Variants in ARHGEF38 observed in about 807,000 individuals in gnomAD.
ARHGEF38 encodes the protein Rho guanine nucleotide exchange factor 38, also known as Rho guanine nucleotide exchange factor (GEF) 38.
A neutral mutation model predicts 79.9 loss-of-function variants in ARHGEF38; 79 were observed. The ratio of observed to expected loss-of-function variants is 0.99; its 90% CI spans 0.82 to 1.19. The LOEUF (loss-of-function observed/expected upper bound fraction) is 1.19, where lower values mean the gene tolerates loss of function less well. Ranked by LOEUF, ARHGEF38 falls within the 50% of genes most tolerant of loss-of-function variation. ARHGEF38 has a pLI of 0.00. For missense variants in ARHGEF38, 962 were observed against 907.2 expected (o/e 1.06, Z -0.78); for synonymous variants, 366 against 328.3 (o/e 1.11, Z -1.24).
chr4:105,561,479 A>AATGGAATGGAATGGAATGGAATG (rs1560684618), intron 1 of ARHGEF38: 2 of 53,350 alleles, frequency 3.7e-5, no homozygotes, highest in African/African-American at 1.6e-4. Context: ...AGAATAGAAT[A>AATGGAATGGAATGGAATGGAATG]GAATAGAATA....
At position 105,655,609 on chromosome 4, in the gene ARHGEF38, A is replaced by C; in HGVS notation, c.1120A>C (p.Met374Leu). The C allele has an allele frequency of 6.5e-7, 1 of 1,535,040 alleles. No individual in the cohort carries two copies. Among genetic ancestry groups the C allele is most frequent in the South Asian group, 1.2e-5 (1 of 83,602 alleles). ...SLCLQHIQDA[M>L]PLALQSVMDL... ...CTTTGTTCTTGGGTTTCAGGATGCC[A>C]TGCCCCTGGCTCTGCAGAGTGTGAT... Residue 374 changes from methionine to leucine, a missense_variant, in exon 9 of 14, where the codon ATG becomes CTG. Physicochemically the swap from Met to Leu is conservative, Grantham distance 15 (BLOSUM62 2). Transcript: ENST00000420470.
In ARHGEF38 at chr4:105,645,227, C is replaced by T; in HGVS notation, c.714C>T (p.Ile238=). 1.3e-6 allele frequency: 2 copies of T among 1,533,658 alleles called. 1 individual carries two copies. The highest frequency in any genetic ancestry group is 2.4e-5 in the South Asian group (2 of 83,160). Residue 238 remains isoleucine (I), a synonymous_variant, in exon 6 of 14, where the codon ATC becomes ATT. Coordinates refer to ENST00000420470, the MANE Select transcript of ARHGEF38 (RefSeq NM_001242729.2). ...PNLLDMGSLM[I]KPIQRVMKYP... ...TATTGGACATGGGCTCTTTGATGAT[C>T]AAACCAATTCAACGTGTGATGAAAT...
At position 105,659,356 on chromosome 4, in the gene ARHGEF38, A is replaced by G. The variant is rs1300037771; in HGVS notation, c.1536A>G (p.Thr512=). 6.5e-7 allele frequency: 1 copy of G among 1,534,054 alleles called. No individual in the cohort carries two copies. Among genetic ancestry groups the G allele is most frequent in the African/African-American group, 1.4e-5 (1 of 72,972 alleles). Residue 512 remains threonine, a synonymous_variant, in exon 10 of 14, where the codon ACA becomes ACG. Coordinates refer to ENST00000420470, the MANE Select transcript of ARHGEF38 (RefSeq NM_001242729.2). ...LMLVAQQAYS[T]LVPMPLLVSS... Reference sequence around the variant, plus strand: ...TCGTGGCACAGCAGGCTTACTCCACACTTGTGCCGGTAAGCACAGCACCAA... The same window carrying G: ...TCGTGGCACAGCAGGCTTACTCCACGCTTGTGCCGGTAAGCACAGCACCAA...
Position 105,668,233 on chromosome 4 carries a change from G to A in ARHGEF38, c.2148+530G>A, listed in dbSNP as rs1730826485. 3.9e-5 allele frequency among the ~76,000 whole-genome samples: 6 copies of A among 151,904 alleles called. 1 individual carries two copies. Among genetic ancestry groups the A allele is most frequent in the Middle Eastern group, 3.4e-3 (1 of 294 alleles). ...GTCTCACTCTGTCGCCCAGGCTGGA[G>A]TGCAGTGGCGCAATCTCGGCTCACT... On this transcript the variant is annotated intron_variant, in intron 13 of 13. Coordinates refer to ENST00000420470, the MANE Select transcript of ARHGEF38 (RefSeq NM_001242729.2).
At chr4:105,592,055 T>G (rs1375756614) in intron 2 of ARHGEF38, among the ~76,000 whole-genome samples, 1 of 152,218 alleles carries the variant, frequency 6.6e-6, no homozygotes, top group Non-Finnish European at 1.5e-5. Flanking sequence ...AGCATCAGAC[T>G]CTGTCACTAC....
At position 105,561,392 on chromosome 4, in the gene ARHGEF38, GAGTAGAAT is replaced by G. The variant is rs1456696342; in HGVS notation, c.196+8433_196+8440del. ...ACTCCAGCCTGGAGTCTCAAAAATA[GAGTAGAAT>G]AATAGAATAGAATAGAATAGAATGG... On this transcript the variant is annotated intron_variant, in intron 1 of 13. Transcript: ENST00000420470. Among the ~76,000 whole-genome samples, 16 of 11,800 alleles carry G rather than the reference GAGTAGAAT, an allele frequency of 1.4e-3. 2 individuals are homozygous for G. The highest frequency in any genetic ancestry group is 2.4e-3 in the African/African-American group (14 of 5,756). 7.7% of individuals were successfully genotyped at this position (11,800 alleles called of 152,430 possible).
In ARHGEF38 at chr4:105,655,643, A is replaced by C. The variant is rs776459937; in HGVS notation, c.1154A>C (p.Gln385Pro). ...GCTCTGCAGAGTGTGATGGACCTTC[A>C]GGAGATTTCATACAACAAAGACGAT... Reference protein sequence around the residue: ...PLALQSVMDLQEISYNKDDEM... With the variant: ...PLALQSVMDLPEISYNKDDEM... The change falls in exon 9 of 14, where the codon CAG (glutamine) becomes CCG (proline). Residue 385 changes from glutamine (Q) to proline (P), a missense_variant. Physicochemically the swap from Gln to Pro is moderately conservative, Grantham distance 76. Coordinates refer to ENST00000420470, the MANE Select transcript of ARHGEF38 (RefSeq NM_001242729.2). 17 of 1,536,040 alleles carry C rather than the reference A, an allele frequency of 1.1e-5. No homozygotes were observed. The South Asian group carries it at 1.9e-4, about 17-fold the overall frequency.
chr4:105,565,608 C>T (rs763808946), intron 1 of ARHGEF38, among the ~76,000 whole-genome samples: 9 of 152,092 alleles, frequency 5.9e-5, no homozygotes, highest in Admixed American at 2.0e-4. Context: ...GGGAATCGGA[C>T]TGATAGAGGC....
At chr4:105,649,542 C>A (rs1436593356) in intron 7 of ARHGEF38, among the ~76,000 whole-genome samples, 1 of 152,300 alleles carries the variant, frequency 6.6e-6, no homozygotes, top group Non-Finnish European at 1.5e-5. Context: ...GGGCTTCTAA[C>A]CAAAATTAGG....
At chr4:105,658,390 A>G (rs140937416) in intron 9 of ARHGEF38, among the ~76,000 whole-genome samples, 3 of 152,070 alleles carry the variant, frequency 2.0e-5, no homozygotes, top group African/African-American at 7.2e-5. Flanking sequence ...ACAGAGTGAG[A>G]CCCTGTCTCA....
At chr4:105,592,354 T>C (rs572867491) in intron 2 of ARHGEF38, among the ~76,000 whole-genome samples, 1 of 152,172 alleles carries the variant, frequency 6.6e-6, no homozygotes, top group African/African-American at 2.4e-5. Flanking sequence ...AATCAGAATT[T>C]CAAGCTTACT....
intron 2 of ARHGEF38, among the ~76,000 whole-genome samples, chr4:105,597,570 A>G (rs1203851112): frequency 6.6e-6 from 1 of 152,204 alleles, no homozygotes; most frequent in Non-Finnish European, 1.5e-5. Context: ...CTCACTGACC[A>G]CAACTTTCTT....
In ARHGEF38 at chr4:105,679,122, C is replaced by G; in HGVS notation, c.*1185C>G. On this transcript the variant is annotated 3_prime_UTR_variant, in exon 14 of 14. Coordinates refer to ENST00000420470, the MANE Select transcript of ARHGEF38 (RefSeq NM_001242729.2). ...TCCACTTCGTCTTCTACCATCTTGC[C>G]GACTTTCCTGAGCAACTGCTTTGTC... 1.6e-6 allele frequency: 1 copy of G among 610,438 alleles called. No individual in the cohort carries two copies. The highest frequency in any genetic ancestry group is 2.6e-6 in the Non-Finnish European group (1 of 392,010). 37.8% of individuals were successfully genotyped at this position (610,438 alleles called of 1,614,324 possible).
intron 2 of ARHGEF38, among the ~76,000 whole-genome samples, chr4:105,591,354 G>A (rs1440493902): frequency 7.2e-5 from 11 of 152,068 alleles, no homozygotes; most frequent in South Asian, 4.2e-4. Flanking sequence ...TCAGCCTCCC[G>A]AGTAGCTGGG....
chr4:105,667,773 A>G, intron 13 of ARHGEF38, 70 bp downstream of exon 13: 2 of 1,490,846 alleles, frequency 1.3e-6, no homozygotes, highest in South Asian at 2.6e-5. Context: ...GTACTCTATA[A>G]TACTGTAACA....
At chr4:105,660,033 T>G in intron 10 of ARHGEF38, among the ~76,000 whole-genome samples, 1 of 152,230 alleles carries the variant, frequency 6.6e-6, no homozygotes, top group East Asian at 1.9e-4. Flanking sequence ...CTGAATGAGA[T>G]GGACAGCTAT....
chr4:105,668,668 A>AGAT (rs200077507), intron 13 of ARHGEF38, among the ~76,000 whole-genome samples: 5,144 of 130,726 alleles, frequency 0.039, 117 homozygotes, highest in Middle Eastern at 0.095. Context: ...ATGTGTAGAT[A>AGAT]GATAGATAGA....
intron 8 of ARHGEF38, among the ~76,000 whole-genome samples, chr4:105,655,204 T>A (rs1003414517): frequency 6.6e-6 from 1 of 152,202 alleles, no homozygotes; most frequent in Non-Finnish European, 1.5e-5. Context: ...TTTCCACTAA[T>A]AGATTCAACA....
At chr4:105,608,655 A>G (rs149406616) in intron 2 of ARHGEF38, among the ~76,000 whole-genome samples, 75 of 152,128 alleles carry the variant, frequency 4.9e-4, no homozygotes, top group African/African-American at 1.6e-3. Flanking sequence ...TTTGAAACAT[A>G]ACAATAAATT....
Sources: allele counts gnomAD v4.1 joint callset (sites outside exome capture counted in the v4.1 genomes callset), GRCh38; gene constraint gnomAD v4.1.1; transcripts MANE v1.5; gene names NCBI Gene and HGNC (gene_info 2026-07-23, HGNC 2026-07-21).